Variants in CALN1 observed in about 807,000 individuals in gnomAD.
The protein encoded by CALN1 is calcium-binding protein 8.
In CALN1, 17 loss-of-function variants were observed where a neutral mutation model predicts 30.6. The observed-to-expected ratio is 0.56, with a 90% CI of 0.38 to 0.83. CALN1 has a LOEUF of 0.83. CALN1 is among the 40% of genes least tolerant of loss of function. CALN1 has a pLI of 0.00. For missense variants in CALN1, 291 were observed against 354.9 expected (o/e 0.82, Z 1.45); for synonymous variants, 156 against 131.4 (o/e 1.19, Z -1.28).
intron 4 of CALN1, among the ~76,000 whole-genome samples, chr7:72,024,827 T>C (rs1800950475): frequency 6.6e-6 from 1 of 152,242 alleles, no homozygotes; most frequent in Admixed American, 6.5e-5. Flanking sequence ...TCTGCGTGCA[T>C]GTGTATGCCT....
chr7:71,875,928 C>T (rs1792218170), intron 5 of CALN1, among the ~76,000 whole-genome samples: 1 of 152,152 alleles, frequency 6.6e-6, no homozygotes, highest in Non-Finnish European at 1.5e-5. Context: ...CAAAGTGTCC[C>T]TGACCATGAG....
At position 72,103,544 on chromosome 7, in the gene CALN1, G is replaced by T. The variant is rs960104664; in HGVS notation, c.388+2607C>A. Among the ~76,000 whole-genome samples the T allele has an allele frequency of 1.5e-4, 23 of 152,334 alleles. 1 individual carries two copies. The highest frequency in any genetic ancestry group is 5.5e-4 in the African/African-American group (23 of 41,578). On this transcript the variant is annotated intron_variant, in intron 4 of 6. Coordinates refer to ENST00000395275, the MANE Select transcript of CALN1 (RefSeq NM_031468.4). ...TTAAATGAAACACTTCATTTCTTCA[G>T]TAGCTACTTGGAGATGTTAACCAAC...
At chr7:71,901,351 A>G (rs1340121280) in intron 5 of CALN1, among the ~76,000 whole-genome samples, 1 of 152,054 alleles carries the variant, frequency 6.6e-6, no homozygotes, top group Non-Finnish European at 1.5e-5. Context: ...CACAGATTCA[A>G]TACAATCCCT....
rs964876952 is a variant in CALN1, at chr7:71,993,824, G to A, written c.501+29833C>T. 2.6e-5 allele frequency among the ~76,000 whole-genome samples: 4 copies of A among 152,078 alleles called. No homozygotes were observed. The East Asian group carries it at 7.7e-4, about 29-fold the overall frequency. Reference sequence around the variant, plus strand: ...TTCCATCATCATCATTTTATCACTTGAGACACGATACGCTAAACAAAATTA... The same window carrying A: ...TTCCATCATCATCATTTTATCACTTAAGACACGATACGCTAAACAAAATTA... On this transcript the variant is annotated intron_variant, in intron 5 of 6. Coordinates refer to ENST00000395275, the MANE Select transcript of CALN1 (RefSeq NM_031468.4).
At chr7:71,882,025 T>G (rs1462302768) in intron 5 of CALN1, among the ~76,000 whole-genome samples, 1 of 152,128 alleles carries the variant, frequency 6.6e-6, no homozygotes, top group African/African-American at 2.4e-5. Flanking sequence ...GTGAGCTGAT[T>G]GTGCTACTGG....
the CALN1 span, among the ~76,000 whole-genome samples, chr7:72,460,639 A>G: frequency 6.6e-6 from 1 of 152,182 alleles, no homozygotes; most frequent in African/African-American, 2.4e-5. Context: ...CTCAAAAAAA[A>G]GAAAATGAAA....
At chr7:72,313,866 G>C (rs1800233146) in intron 2 of CALN1, among the ~76,000 whole-genome samples, 1 of 152,164 alleles carries the variant, frequency 6.6e-6, no homozygotes, top group Admixed American at 6.5e-5. Context: ...AGGAAGGGAA[G>C]GGAGAGATTT....
At chr7:71,902,753 T>C (rs772284633) in intron 5 of CALN1, among the ~76,000 whole-genome samples, 4 of 152,182 alleles carry the variant, frequency 2.6e-5, no homozygotes, top group Admixed American at 6.5e-5. Flanking sequence ...TAAAGAAGTA[T>C]TGCATAAGGA....
At chr7:72,351,762 A>G (rs1802935142) in intron 2 of CALN1, among the ~76,000 whole-genome samples, 1 of 152,232 alleles carries the variant, frequency 6.6e-6, no homozygotes, top group African/African-American at 2.4e-5. Flanking sequence ...ATGAAAAGGG[A>G]AAAACGAACA....
chr7:71,931,262 C>T (rs1000262705), intron 5 of CALN1, among the ~76,000 whole-genome samples: 3 of 148,066 alleles, frequency 2.0e-5, no homozygotes, highest in African/African-American at 7.3e-5. Context: ...TCTGTGAAAA[C>T]CATTCTCTTT....
chr7:71,936,990 C>G (rs566687062), intron 5 of CALN1, among the ~76,000 whole-genome samples: 1 of 152,264 alleles, frequency 6.6e-6, no homozygotes, highest in Non-Finnish European at 1.5e-5. Flanking sequence ...GCCTCCCCAG[C>G]CATGTGGAAC....
In CALN1 at chr7:72,169,489, A is replaced by ATT. The variant is rs768976671; in HGVS notation, c.245-63197_245-63196dup. On this transcript the variant is annotated intron_variant, in intron 3 of 6. Transcript: ENST00000395275. ...TGCATGCCACCACACCCAGCTGATT[A>ATT]TTTTTTTTTTTTTTTCAGATACAGA... Among the ~76,000 whole-genome samples, 262 of 86,774 alleles carry ATT rather than the reference A, an allele frequency of 3.0e-3. 1 individual carries two copies. The highest frequency in any genetic ancestry group is 0.023 in the East Asian group (96 of 4,186). 56.9% of individuals were successfully genotyped at this position (86,774 alleles called of 152,430 possible). A position where few individuals can be genotyped will look rare whatever the true frequency, so the allele number is the denominator to read the frequency against.
chr7:72,278,972 C>G (rs983658069), intron 2 of CALN1, among the ~76,000 whole-genome samples, 162 bp from the exon 3 acceptor site: 2 of 152,154 alleles, frequency 1.3e-5, no homozygotes, highest in Non-Finnish European at 2.9e-5. Flanking sequence ...GTCCCAATGA[C>G]CTGAGCAATT....
intron 3 of CALN1, among the ~76,000 whole-genome samples, chr7:72,216,178 G>T (rs148587897): frequency 3.8e-3 from 583 of 152,146 alleles, no homozygotes; most frequent in Non-Finnish European, 5.9e-3. Flanking sequence ...GCATTAGGAG[G>T]CTGATGGGGG....
At chr7:72,035,115 T>C (rs1167643849) in intron 4 of CALN1, among the ~76,000 whole-genome samples, 1 of 152,158 alleles carries the variant, frequency 6.6e-6, no homozygotes, top group African/African-American at 2.4e-5. Flanking sequence ...TTTAGTAAAA[T>C]ATACATAATA....
chr7:72,091,436 G>T (rs1322310034), intron 4 of CALN1, among the ~76,000 whole-genome samples: 10 of 152,276 alleles, frequency 6.6e-5, no homozygotes, highest in Admixed American at 6.5e-4. Flanking sequence ...GAGCACTTTA[G>T]GCGATGGATA....
At chr7:71,924,799 TGTCA>T (rs1169032822) in intron 5 of CALN1, among the ~76,000 whole-genome samples, 3 of 152,226 alleles carry the variant, frequency 2.0e-5, no homozygotes, top group African/African-American at 7.2e-5. Context: ...GTTCTATTGT[TGTCA>T]ATCATTTAAC....
intron 5 of CALN1, among the ~76,000 whole-genome samples, chr7:72,016,956 CA>C (rs1467214749): frequency 7.1e-6 from 1 of 140,798 alleles, no homozygotes; most frequent in African/African-American, 2.8e-5. Context: ...AGCTCAAGAC[CA>C]GCCTGGCCAA....
chr7:72,445,774 G>T (rs1202687588), intron 1 of CALN1, among the ~76,000 whole-genome samples: 1 of 152,128 alleles, frequency 6.6e-6, no homozygotes, highest in African/African-American at 2.4e-5. Context: ...CAGAGAAAGT[G>T]CCCATCCTTG....
Sources: gnomAD v4.1 joint callset for allele counts (sites outside exome capture counted in the v4.1 genomes callset) on GRCh38, gnomAD v4.1.1 for gene constraint, MANE v1.5 for transcripts, NCBI Gene and HGNC (gene_info 2026-07-23, HGNC 2026-07-21) for gene names.